The following CNPY1 variants were observed in gnomAD, a reference collection of about 807,000 sequenced individuals.
CNPY1 encodes the protein canopy FGF signaling regulator 1, also known as protein canopy homolog 1.
In CNPY1, 14 loss-of-function variants were observed where a neutral mutation model predicts 14.4. That is an observed-to-expected ratio of 0.97 (90% confidence interval 0.64 to 1.52). CNPY1 has a LOEUF of 1.52. Ranked by LOEUF, CNPY1 falls within the 40% of genes most tolerant of loss-of-function variation. CNPY1 has a pLI of 0.00. For missense variants in CNPY1, 129 were observed against 131.5 expected, an observed-to-expected ratio of 0.98 and a Z score of 0.09; for synonymous variants, 43 against 46.5, an observed-to-expected ratio of 0.92 and a Z score of 0.31.
chr7:155,512,245 C>T (rs1432597001), intron 2 of CNPY1, among the ~76,000 whole-genome samples: 1 of 152,214 alleles, frequency 6.6e-6, no homozygotes, highest in Non-Finnish European at 1.5e-5. Flanking sequence ...GTTTTCTTAT[C>T]TGCCATTGCT....
Position 155,536,181 on chromosome 7 carries a change from C to G in CNPY1, c.99+9650G>C, listed in dbSNP as rs1797021034. ...AAATCCATGGCATGCAGTGGTGAAA[C>G]AGGGACTTGCAGCATTACCTGTGGT... On this transcript the variant is annotated intron_variant, in intron 2 of 4. Coordinates refer to ENST00000636446, the MANE Select transcript of CNPY1 (RefSeq NM_001393663.1). This position sits in a 1 kb window ranked among gnomAD's most constrained non-coding sequence, Gnocchi z 4.1. Among the ~76,000 whole-genome samples, 1 of 152,106 alleles carries G rather than the reference C, an allele frequency of 6.6e-6. No homozygotes were observed. The highest frequency in any genetic ancestry group is 1.5e-5 in the Non-Finnish European group (1 of 68,014).
At chr7:155,543,023 C>T (rs1797105140) in intron 2 of CNPY1, among the ~76,000 whole-genome samples, 1 of 152,180 alleles carries the variant, frequency 6.6e-6, no homozygotes, top group Non-Finnish European at 1.5e-5. Flanking sequence ...CCCTTAGGAA[C>T]TCGGATTCTC....
rs1796144091 is a variant in CNPY1 at position 155,502,360 on chromosome 7, C to G, written c.*708G>C. ...TTTGGAGCGAAACAAAACGCAATCA[C>G]TAGTGTCATCTTTTAACACCTGATG... On this transcript the variant is annotated 3_prime_UTR_variant, in exon 5 of 5. Coordinates refer to ENST00000636446, the MANE Select transcript of CNPY1 (RefSeq NM_001393663.1). The G allele has an allele frequency of 6.6e-6, 1 of 152,126 alleles. No homozygotes were observed. Among genetic ancestry groups the G allele is most frequent in the Non-Finnish European group, 1.5e-5 (1 of 68,030 alleles). The allele number at this position is 152,126 out of a possible 1,614,324, so 9.4% of individuals were successfully genotyped here. A position where few individuals can be genotyped will look rare whatever the true frequency, so the allele number is the denominator to read the frequency against.
At chr7:155,509,665 G>A (rs1403220653) in intron 2 of CNPY1, among the ~76,000 whole-genome samples, 1 of 152,200 alleles carries the variant, frequency 6.6e-6, no homozygotes, top group African/African-American at 2.4e-5. Flanking sequence ...CCACGCTGCA[G>A]CCGCGCGATG....
In CNPY1 at chr7:155,527,600, C is replaced by T. The variant is rs1305246752; in HGVS notation, c.99+18231G>A. ...GGGACCACAAGTACACGCCACCACA[C>T]CCTGCTAATTTTTTTTTTTTTTTGT... On this transcript the variant is annotated intron_variant, in intron 2 of 4. Transcript: ENST00000636446. Among the ~76,000 whole-genome samples, 4 of 150,112 alleles carry T rather than the reference C, an allele frequency of 2.7e-5. No homozygotes were observed. In the East Asian group the frequency reaches 5.8e-4, roughly 22 times the overall value.
At chr7:155,509,561 C>A (rs560695577) in intron 2 of CNPY1, among the ~76,000 whole-genome samples, 1 of 151,856 alleles carries the variant, frequency 6.6e-6, no homozygotes, top group Non-Finnish European at 1.5e-5. Context: ...AGAGAGAGCG[C>A]GCGCTCAGCT....
intron 2 of CNPY1, among the ~76,000 whole-genome samples, chr7:155,520,285 C>T (rs1037753381): frequency 2.0e-5 from 3 of 152,136 alleles, no homozygotes; most frequent in South Asian, 2.1e-4. Context: ...CACTTGGAGG[C>T]GAGAGCCCAT....
intron 2 of CNPY1, among the ~76,000 whole-genome samples, chr7:155,516,952 G>C (rs34610052): frequency 6.6e-6 from 1 of 152,096 alleles, no homozygotes. Flanking sequence ...TGGGGTCTCC[G>C]CCACCCTGGC....
intron 4 of CNPY1, among the ~76,000 whole-genome samples, chr7:155,504,944 C>T (rs1052063490): frequency 1.3e-5 from 2 of 152,152 alleles, no homozygotes; most frequent in Non-Finnish European, 2.9e-5. Context: ...GAAACCATCC[C>T]AATGTGTTAA....
At chr7:155,517,588 C>G (rs1295640103) in intron 2 of CNPY1, among the ~76,000 whole-genome samples, 1 of 152,182 alleles carries the variant, frequency 6.6e-6, no homozygotes, top group East Asian at 1.9e-4. Flanking sequence ...CAGGTCCACC[C>G]CACACGCCAA....
intron 2 of CNPY1, among the ~76,000 whole-genome samples, chr7:155,532,658 ATTTTATGGTTCCTACCACCTCCT>A (rs1796961016): frequency 1.3e-5 from 2 of 152,088 alleles, no homozygotes; most frequent in South Asian, 4.1e-4. Context: ...CCACTGCTAT[ATTTTATGGTTCCTACCACCTCCT>A]CCTAAAATAG....
chr7:155,520,167 A>G (rs1374140625), intron 2 of CNPY1, among the ~76,000 whole-genome samples: 3 of 152,238 alleles, frequency 2.0e-5, no homozygotes, highest in Non-Finnish European at 2.9e-5. Flanking sequence ...ATAAGCTGCA[A>G]GCCAAATCAC....
intron 4 of CNPY1, among the ~76,000 whole-genome samples, chr7:155,505,838 T>A (rs974580663): frequency 6.6e-6 from 1 of 152,212 alleles, no homozygotes; most frequent in African/African-American, 2.4e-5. Flanking sequence ...ATCTCCCACA[T>A]CAAAGAAAAA....
At chr7:155,533,417 C>A (rs866750439) in intron 2 of CNPY1, among the ~76,000 whole-genome samples, 2 of 152,234 alleles carry the variant, frequency 1.3e-5, no homozygotes, top group Non-Finnish European at 1.5e-5. Flanking sequence ...CGTTTGTTTA[C>A]TCTAAGCATA....
At chr7:155,503,210 A>G in intron 4 of CNPY1, 105 bp from the exon 5 acceptor site, 3 of 938,774 alleles carry the variant, frequency 3.2e-6, no homozygotes, top group South Asian at 1.6e-5. Flanking sequence ...AGCATATTTT[A>G]AAAACTTTTA....
chr7:155,537,633 C>T (rs1797039087), intron 2 of CNPY1, among the ~76,000 whole-genome samples: 1 of 152,000 alleles, frequency 6.6e-6, no homozygotes, highest in African/African-American at 2.4e-5. Context: ...CCGTGTTGCC[C>T]AGGCTGGTCT....
intron 2 of CNPY1, among the ~76,000 whole-genome samples, chr7:155,532,482 ACGG>A (rs1796955801): frequency 6.7e-6 from 1 of 149,626 alleles, no homozygotes; most frequent in African/African-American, 2.4e-5. Context: ...TTAGCCGGGC[ACGG>A]TGGTGGGCGC....
chr7:155,536,390 T>C lies in CNPY1; in HGVS notation c.99+9441A>G, dbSNP rs1797022934. On this transcript the variant is annotated intron_variant, in intron 2 of 4. Coordinates refer to ENST00000636446, the MANE Select transcript of CNPY1 (RefSeq NM_001393663.1). The surrounding 1 kb of genome is among the most constrained non-coding windows in gnomAD (Gnocchi z 4.1). ...GAAACTTCTCAGGTCACCAAATGCATCCAGGGCCATACTGAGGTGCCTTTC... is the reference window on the plus strand; with the variant it reads ...GAAACTTCTCAGGTCACCAAATGCACCCAGGGCCATACTGAGGTGCCTTTC... Among the ~76,000 whole-genome samples, 1 of 152,116 alleles carries C rather than the reference T, an allele frequency of 6.6e-6. No homozygotes were observed. Among genetic ancestry groups the C allele is most frequent in the South Asian group, 2.1e-4 (1 of 4,828 alleles).
intron 2 of CNPY1, among the ~76,000 whole-genome samples, chr7:155,516,046 G>C (rs1423112647): frequency 1.3e-5 from 2 of 151,780 alleles, no homozygotes; most frequent in Admixed American, 1.3e-4. Context: ...ACAGATTAAA[G>C]CATGACATGC....
Sources: allele counts gnomAD v4.1 joint callset (sites outside exome capture counted in the v4.1 genomes callset), GRCh38; gene constraint gnomAD v4.1.1; non-coding constraint Gnocchi (gnomAD v3.1); transcripts MANE v1.5; gene names NCBI Gene and HGNC (gene_info 2026-07-23, HGNC 2026-07-21).